Variants in TBC1D23 observed in about 807,000 individuals in gnomAD.
TBC1D23 encodes HCV non-structural protein 4A-transactivated protein 1.
A neutral mutation model predicts 91.4 loss-of-function variants in TBC1D23; 55 were observed. That is an observed-to-expected ratio of 0.60 (90% CI 0.48 to 0.75). TBC1D23 has a LOEUF of 0.75. Ranked by LOEUF, TBC1D23 falls within the 30% of genes least tolerant of loss-of-function variation. The pLI is 0.00. For missense variants in TBC1D23, 725 were observed against 836.1 expected, an observed-to-expected ratio of 0.87 and a Z score of 1.64; for synonymous variants, 289 against 281.0, an observed-to-expected ratio of 1.03 and a Z score of -0.28.
chr3:100,286,775 C>T (rs779707320), intron 4 of TBC1D23, among the ~76,000 whole-genome samples: 4 of 151,594 alleles, frequency 2.6e-5, no homozygotes, highest in Non-Finnish European at 2.9e-5. Context: ...GGATTACAGG[C>T]GTGAGCCACC....
At chr3:100,296,776 C>T (rs545827975) in intron 8 of TBC1D23, among the ~76,000 whole-genome samples, 12 of 149,964 alleles carry the variant, frequency 8.0e-5, no homozygotes, top group South Asian at 2.1e-4. Context: ...AGGAGAATGG[C>T]GTGAACCCAG....
chr3:100,262,149 ACTT>A (rs1425319789), intron 1 of TBC1D23, among the ~76,000 whole-genome samples: 1 of 152,142 alleles, frequency 6.6e-6, no homozygotes, highest in Non-Finnish European at 1.5e-5. Context: ...TCAGAGGAAA[ACTT>A]CATGGTGATC....
chr3:100,286,451 G>A (rs555227396), intron 4 of TBC1D23, among the ~76,000 whole-genome samples: 129 of 151,770 alleles, frequency 8.5e-4, no homozygotes, highest in Non-Finnish European at 1.5e-3. Context: ...GCCCTGGAAG[G>A]AACCCCGAGC....
chr3:100,319,040 C>A, intron 16 of TBC1D23, 29 bp from the exon 17 acceptor site: 2 of 1,402,048 alleles, frequency 1.4e-6, no homozygotes, highest in Non-Finnish European at 2.0e-6. Context: ...TTGGTAATAT[C>A]CATATTTAAT....
At chr3:100,316,956 G>T (rs1330067388) in intron 16 of TBC1D23, among the ~76,000 whole-genome samples, 2 of 151,866 alleles carry the variant, frequency 1.3e-5, no homozygotes, top group African/African-American at 4.8e-5. Flanking sequence ...GGGAGTGCAT[G>T]CCCATAATCC....
At chr3:100,297,798 A>C (rs1041785379) in intron 8 of TBC1D23, 125 bp from the exon 9 acceptor site, 1 of 734,254 alleles carries the variant, frequency 1.4e-6, no homozygotes, top group African/African-American at 1.9e-5. Context: ...TGTAGTATTA[A>C]GTTTTAAAAA....
At chr3:100,310,659 T>A (rs1705610272) in intron 14 of TBC1D23, 117 bp downstream of exon 14, 1 of 729,790 alleles carries the variant, frequency 1.4e-6, no homozygotes, top group African/African-American at 1.8e-5. Flanking sequence ...TTATAAAGTA[T>A]ATTTTCTATT....
chr3:100,283,951 T>C (rs1311061689), intron 4 of TBC1D23, 140 bp downstream of exon 4: 3 of 555,344 alleles, frequency 5.4e-6, no homozygotes, highest in Non-Finnish European at 9.5e-6. Context: ...ATAATTGTTA[T>C]TTTATTTTTG....
chr3:100,261,435 G>T (rs1225322645), intron 1 of TBC1D23: 4 of 298,682 alleles, frequency 1.3e-5, no homozygotes, highest in Non-Finnish European at 2.5e-5. Context: ...GTTGGATGCA[G>T]ATCTGAGTCA....
intron 7 of TBC1D23, 30 bp from the exon 8 acceptor site, chr3:100,296,142 C>A: frequency 7.7e-7 from 1 of 1,295,936 alleles, no homozygotes; most frequent in Non-Finnish European, 1.1e-6. Flanking sequence ...TTTTCACAAA[C>A]TACTAAATAT....
At chr3:100,322,798 G>GAT (rs1401711509) in intron 18 of TBC1D23, among the ~76,000 whole-genome samples, 1 of 151,740 alleles carries the variant, frequency 6.6e-6, no homozygotes, top group African/African-American at 2.4e-5. Context: ...AGTTTTGGAA[G>GAT]ATAGTCTTAA....
intron 1 of TBC1D23, among the ~76,000 whole-genome samples, chr3:100,262,867 T>G (rs7637157): frequency 0.32 from 49,024 of 151,926 alleles, 8,958 homozygotes; most frequent in Non-Finnish European, 0.41. Context: ...CAAAATCCAA[T>G]GTGCATTTTA....
intron 16 of TBC1D23, 91 bp downstream of exon 16, chr3:100,316,278 T>TA (rs898864481): frequency 9.0e-6 from 8 of 886,666 alleles, no homozygotes; most frequent in Admixed American, 4.6e-5. Context: ...ACTGCTTTTT[T>TA]AAAAAAATGA....
In TBC1D23 at chr3:100,316,114, T is replaced by C; in HGVS notation, c.1614T>C (p.Ser538=). ...TTGAATATAGGCATGTGAGCAGCAG[T>C]GACAGAGTGGGCAAGCCTTACCGTG... ...RSCTERHVSS[S]DRVGKPYRGV... is the part of the protein sequence containing the mutation. The change falls in exon 16 of 19, where the codon AGT becomes AGC. Residue 538 remains serine, a synonymous_variant. Coordinates refer to ENST00000394144, the MANE Select transcript of TBC1D23 (RefSeq NM_001199198.3). 6.2e-7 allele frequency: 1 copy of C among 1,613,888 alleles called. No individual in the cohort carries two copies. The highest frequency in any genetic ancestry group is 8.5e-7 in the Non-Finnish European group (1 of 1,179,792).
intron 18 of TBC1D23, 65 bp downstream of exon 18, chr3:100,321,036 A>C (rs539527027): frequency 1.6e-6 from 2 of 1,229,930 alleles, no homozygotes; most frequent in Non-Finnish European, 2.2e-6. Flanking sequence ...GTAGTTCACT[A>C]TAAAGAGTTT....
chr3:100,292,772 T>C (rs561159151), intron 5 of TBC1D23, among the ~76,000 whole-genome samples: 1 of 152,118 alleles, frequency 6.6e-6, no homozygotes, highest in African/African-American at 2.4e-5. Context: ...GCTAATGTTT[T>C]AATTTTTTTG....
At chr3:100,305,931 A>G (rs1267520769) in intron 12 of TBC1D23, among the ~76,000 whole-genome samples, 6 of 152,218 alleles carry the variant, frequency 3.9e-5, no homozygotes, top group Admixed American at 6.5e-5. Context: ...GCATTCTTTT[A>G]TAGTATAACC....
At chr3:100,279,363 A>G (rs1298485585) in intron 1 of TBC1D23, 1 of 247,174 alleles carries the variant, frequency 4.0e-6, no homozygotes, top group Admixed American at 5.0e-5. Context: ...TACTGTTATT[A>G]CTATGACTTC....
chr3:100,306,298 G>C (rs1023774902), intron 12 of TBC1D23, 139 bp from the exon 13 acceptor site: 4 of 582,886 alleles, frequency 6.9e-6, no homozygotes, highest in African/African-American at 5.6e-5. Flanking sequence ...TTACAGACGT[G>C]CAGAAAGAAA....
Sources: allele counts gnomAD v4.1 joint callset (sites outside exome capture counted in the v4.1 genomes callset), GRCh38; gene constraint gnomAD v4.1.1; transcripts MANE v1.5; gene names NCBI Gene and HGNC (gene_info 2026-07-23, HGNC 2026-07-21).